The following RIN2 variants were observed in gnomAD, a reference collection of about 807,000 sequenced individuals.
The protein encoded by RIN2 is RAB5 interacting protein 2.
Under a neutral mutation model 78.0 loss-of-function variants are expected in RIN2, and 36 were observed. The observed-to-expected ratio is 0.46, with a 90% CI of 0.35 to 0.61. The LOEUF is 0.61. Ranked by LOEUF, RIN2 falls within the 20% of genes least tolerant of loss-of-function variation. RIN2 has a pLI of 0.00. For synonymous variants in RIN2, 466 were observed against 466.8 expected (o/e 1.00, Z 0.02); for missense variants, 1,087 against 1,159.7 (o/e 0.94, Z 0.91).
chr20:19,938,077 C>T (rs1174327292), intron 4 of RIN2, among the ~76,000 whole-genome samples: 3 of 152,212 alleles, frequency 2.0e-5, no homozygotes, highest in African/African-American at 7.2e-5. Context: ...TCTGGGACCC[C>T]ACACCTCCCT....
intron 1 of RIN2, among the ~76,000 whole-genome samples, chr20:19,787,605 C>T (rs897219363): frequency 2.5e-4 from 38 of 152,132 alleles, no homozygotes; most frequent in Non-Finnish European, 5.0e-4. Context: ...AAATTTATCT[C>T]TCATGCCTTT....
At chr20:19,761,903 G>A (rs554689753) in intron 1 of RIN2, among the ~76,000 whole-genome samples, 2 of 152,118 alleles carry the variant, frequency 1.3e-5, no homozygotes, top group Non-Finnish European at 2.9e-5. Flanking sequence ...CCCCTCAAAC[G>A]CAGCTCTGTA....
chr20:19,810,801 C>A (rs938586404), intron 2 of RIN2, among the ~76,000 whole-genome samples: 1 of 144,294 alleles, frequency 6.9e-6, no homozygotes, highest in African/African-American at 2.5e-5. Context: ...TCACGCCATT[C>A]TCCCGCCTCA....
At chr20:19,950,714 T>C (rs7268481) in intron 4 of RIN2, among the ~76,000 whole-genome samples, 35,587 of 151,802 alleles carry the variant, frequency 0.23, 6,746 homozygotes, top group African/African-American at 0.53. Flanking sequence ...CTCCATTTTA[T>C]TTTATTTTAT....
intron 3 of RIN2, among the ~76,000 whole-genome samples, chr20:19,921,845 GT>G (rs35566396): frequency 0.054 from 7,247 of 133,942 alleles, 233 homozygotes; most frequent in East Asian, 0.12. Context: ...ATTTGGATCT[GT>G]CGGTTGTTTG....
At chr20:19,836,669 G>A (rs925280094) in intron 2 of RIN2, among the ~76,000 whole-genome samples, 3 of 151,468 alleles carry the variant, frequency 2.0e-5, no homozygotes, top group Non-Finnish European at 1.5e-5. Context: ...AATTTTGAAC[G>A]GCTCTTATGT....
At chr20:19,917,659 A>G (rs1365397641) in intron 3 of RIN2, among the ~76,000 whole-genome samples, 6 of 152,234 alleles carry the variant, frequency 3.9e-5, no homozygotes, top group Non-Finnish European at 8.8e-5. Flanking sequence ...GAGCTCAGAG[A>G]ACACATACTT....
intron 7 of RIN2, among the ~76,000 whole-genome samples, chr20:19,969,761 T>C (rs1263578224): frequency 8.2e-6 from 1 of 122,434 alleles, no homozygotes; most frequent in East Asian, 5.1e-4. Flanking sequence ...TTACCACCAC[T>C]GGAAAAAAAC....
At chr20:19,928,819 T>G (rs964889458) in intron 3 of RIN2, among the ~76,000 whole-genome samples, 5 of 151,860 alleles carry the variant, frequency 3.3e-5, no homozygotes, top group African/African-American at 1.2e-4. Flanking sequence ...TCCCTGGAAG[T>G]CCCCAGCCAG....
At chr20:19,830,327 ATCT>A (rs2036214404) in intron 2 of RIN2, among the ~76,000 whole-genome samples, 2 of 152,112 alleles carry the variant, frequency 1.3e-5, no homozygotes, top group African/African-American at 2.4e-5. Context: ...CAGGCCTCAA[ATCT>A]TCTTTTACTT....
At chr20:19,869,983 G>A (rs558558465) in intron 2 of RIN2, among the ~76,000 whole-genome samples, 6 of 152,096 alleles carry the variant, frequency 3.9e-5, no homozygotes, top group East Asian at 1.9e-4. Context: ...TTCCAGAACC[G>A]TGGCAAGAAT....
rs1004913433 is a variant in RIN2, at chr20:19,955,933, G to A, written c.159-682G>A. Among the ~76,000 whole-genome samples, 4 of 152,046 alleles carry A rather than the reference G, an allele frequency of 2.6e-5. No individual in the cohort carries two copies. In the East Asian group the frequency reaches 7.7e-4, roughly 29 times the overall value. On this transcript the variant is annotated intron_variant, in intron 4 of 12. Transcript: ENST00000255006. The stretch of plus-strand genomic sequence containing the variant: ...TCACGGTTACCATCCATGCTATTTC[G>A]CATTTAGGGTTCTGTCCTCAAAGTT...
chr20:19,930,047 G>A (rs751655649), intron 3 of RIN2, among the ~76,000 whole-genome samples: 3 of 150,028 alleles, frequency 2.0e-5, no homozygotes, highest in Non-Finnish European at 3.0e-5. Context: ...TCTGGGACAA[G>A]TGAGTCAGGA....
chr20:19,939,635 C>A (rs971411971), intron 4 of RIN2, among the ~76,000 whole-genome samples: 1 of 152,190 alleles, frequency 6.6e-6, no homozygotes, highest in African/African-American at 2.4e-5. Context: ...CATTCTCTCC[C>A]CATCACTCAG....
intron 3 of RIN2, among the ~76,000 whole-genome samples, chr20:19,905,704 GCC>G (rs2039189809): frequency 6.6e-6 from 1 of 152,170 alleles, no homozygotes; most frequent in Non-Finnish European, 1.5e-5. Flanking sequence ...CTGCACTCCA[GCC>G]TGGACAACAG....
chr20:19,841,656 G>A (rs189569335), intron 2 of RIN2, among the ~76,000 whole-genome samples: 600 of 152,304 alleles, frequency 3.9e-3, no homozygotes, highest in Non-Finnish European at 7.0e-3. Context: ...TGGGACCAAT[G>A]AGAAAAAGCA....
At chr20:19,949,475 G>A (rs199550) in intron 4 of RIN2, among the ~76,000 whole-genome samples, 4,423 of 152,266 alleles carry the variant, frequency 0.029, 229 homozygotes, top group African/African-American at 0.1. Context: ...GGTTGACAGA[G>A]TAAGAATTTG....
rs563821655 is a variant in RIN2, at chr20:19,900,287, C to T, written c.57+10629C>T. 3.9e-5 allele frequency among the ~76,000 whole-genome samples: 6 copies of T among 151,944 alleles called. No homozygotes were observed. The South Asian group carries it at 1.2e-3, about 32-fold the overall frequency. Reference sequence around the variant, plus strand: ...TCACTTGAGGTCAGGAGTTCAAGACCAGCCTGGCCAACATGGTGAAACCCT... The same window carrying T: ...TCACTTGAGGTCAGGAGTTCAAGACTAGCCTGGCCAACATGGTGAAACCCT... On this transcript the variant is annotated intron_variant, in intron 3 of 12. Transcript: ENST00000255006.
At chr20:19,931,597 A>G (rs945194556) in intron 3 of RIN2, among the ~76,000 whole-genome samples, 8 of 152,194 alleles carry the variant, frequency 5.3e-5, no homozygotes, top group Non-Finnish European at 1.2e-4. Flanking sequence ...TGCAATATGT[A>G]ATGAGCAAAT....
Sources: allele counts gnomAD v4.1 joint callset (sites outside exome capture counted in the v4.1 genomes callset), GRCh38; gene constraint gnomAD v4.1.1; transcripts MANE v1.5; gene names NCBI Gene and HGNC (gene_info 2026-07-23, HGNC 2026-07-21).